DOP1B: variants seen among roughly 807,000 people sequenced by gnomAD.
DOP1B encodes protein DOP1B.
In DOP1B, 174 loss-of-function variants were observed where a neutral mutation model predicts 233.5. The ratio of observed to expected loss-of-function variants is 0.75; its 90% confidence interval spans 0.66 to 0.85. DOP1B has a LOEUF of 0.85. Among genes scored for constraint, DOP1B ranks in the 40% least tolerant of loss-of-function variants. The probability of loss-of-function intolerance (pLI) is 0.00; values close to 1 mark genes in which losing one functional copy is unlikely to be tolerated. For synonymous variants in DOP1B, 1,190 were observed against 1,185.6 expected, an observed-to-expected ratio of 1.00 and a Z score of -0.08; for missense variants, 2,652 against 2,846.6, an observed-to-expected ratio of 0.93 and a Z score of 1.56.
chr21:36,171,476 G>A (rs984002398), intron 2 of DOP1B, among the ~76,000 whole-genome samples: 146 of 152,276 alleles, frequency 9.6e-4, no homozygotes, highest in African/African-American at 3.4e-3. Context: ...TCGAGCTAGA[G>A]GAGGTCATTA....
chr21:36,245,295 C>T lies in DOP1B; in HGVS notation c.3315C>T (p.Asp1105=), dbSNP rs1238286354. ...LPDRTAHGAP[D]SSEHTESADT... ...ACAGGACGGCCCACGGCGCCCCGGACAGCAGCGAGCACACCGAGTCTGCAG... is the reference window on the plus strand; with the variant it reads ...ACAGGACGGCCCACGGCGCCCCGGATAGCAGCGAGCACACCGAGTCTGCAG... Residue 1105 remains aspartate (D), a synonymous_variant, in exon 19 of 37, where the codon GAC becomes GAT. Transcript: ENST00000691173. The surrounding 1 kb of genome is among the most constrained non-coding windows in gnomAD (Gnocchi z 5.5). The T allele has an allele frequency of 1.2e-6, 2 of 1,613,990 alleles. No individual in the cohort carries two copies. The highest frequency in any genetic ancestry group is 8.5e-7 in the Non-Finnish European group (1 of 1,180,050).
intron 15 of DOP1B, among the ~76,000 whole-genome samples, chr21:36,236,779 T>TC (rs1364940661): frequency 7.0e-6 from 1 of 143,176 alleles, no homozygotes; most frequent in East Asian, 2.0e-4. Context: ...TTCTTTTTCT[T>TC]TTTTTTTTTT....
chr21:36,275,996 G>A (rs533390691), intron 27 of DOP1B, among the ~76,000 whole-genome samples: 2 of 152,218 alleles, frequency 1.3e-5, no homozygotes, highest in Middle Eastern at 3.4e-3. Context: ...GGTCAGAGGA[G>A]GATGCTGGAA....
chr21:36,205,535 C>T lies in DOP1B; in HGVS notation c.492-3180C>T, dbSNP rs528344342. Among the ~76,000 whole-genome samples, 9 of 152,002 alleles carry T rather than the reference C, an allele frequency of 5.9e-5. No homozygotes were observed. In the South Asian group the frequency reaches 8.3e-4, roughly 14 times the overall value. On this transcript the variant is annotated intron_variant, in intron 4 of 36. Transcript: ENST00000691173. ...TCACGAGAAGCTGGGATTACAGGTG[C>T]GAACCACCATGCCCAGCTAATTTTG...
Position 36,265,918 on chromosome 21 carries a change from A to G in DOP1B, c.5487+2104A>G, listed in dbSNP as rs73381532. Among the ~76,000 whole-genome samples the G allele has an allele frequency of 6.3e-3, 957 of 152,236 alleles. 7 individuals are homozygous for G. The highest frequency in any genetic ancestry group is 0.022 in the African/African-American group (898 of 41,520). On this transcript the variant is annotated intron_variant, in intron 26 of 36. Transcript: ENST00000691173. ...CCAAGCTAGTAGTTCTGCAGTGGAC[A>G]CTAGATAGGCACCGTCCAATTCCAT...
chr21:36,157,530 C>G (rs1185706139), intron 1 of DOP1B, among the ~76,000 whole-genome samples: 3 of 152,356 alleles, frequency 2.0e-5, no homozygotes, highest in South Asian at 4.1e-4. Flanking sequence ...GACTGTTACC[C>G]GCAGTGTTGC....
intron 1 of DOP1B, among the ~76,000 whole-genome samples, chr21:36,160,330 C>G (rs2065858057): frequency 6.6e-6 from 1 of 151,936 alleles, no homozygotes; most frequent in Admixed American, 6.6e-5. Context: ...GGTGGGTGTG[C>G]AAGGTGCAGT....
chr21:36,230,397 T>C, intron 13 of DOP1B, 53 bp from the exon 14 acceptor site: 1 of 1,535,168 alleles, frequency 6.5e-7, no homozygotes, highest in Non-Finnish European at 8.8e-7. Flanking sequence ...AACTGATACT[T>C]AAATAGCTTG....
intron 2 of DOP1B, among the ~76,000 whole-genome samples, chr21:36,174,842 C>A (rs1391137878): frequency 2.6e-5 from 4 of 152,134 alleles, no homozygotes; most frequent in Non-Finnish European, 4.4e-5. Flanking sequence ...ACTCCTCTTC[C>A]CTGTTGACTA....
chr21:36,245,960 A>G lies in DOP1B; in HGVS notation c.3980A>G (p.Tyr1327Cys). 3.1e-6 allele frequency: 5 copies of G among 1,611,930 alleles called. No homozygotes were observed. The highest frequency in any genetic ancestry group is 4.2e-6 in the Non-Finnish European group (5 of 1,179,404). ...YLCLSFLRSYYPCYLKVSHRD... is the reference protein window; with the variant it reads ...YLCLSFLRSYCPCYLKVSHRD... ...TGCCTGAGCTTCCTGCGCTCCTACT[A>G]CCCTTGCTATTTGAAGGTCTCGCAC... Residue 1327 changes from tyrosine to cysteine, a missense_variant, in exon 19 of 37, where the codon TAC becomes TGC. Physicochemically the swap from Tyr to Cys is radical, Grantham distance 194. Transcript: ENST00000691173. This position sits in a 1 kb window ranked among gnomAD's most constrained non-coding sequence, Gnocchi z 5.5.
rs776747852 is a variant in DOP1B, at chr21:36,279,332, C to T, written c.5970-953C>T. 1.6e-4 allele frequency among the ~76,000 whole-genome samples: 24 copies of T among 151,832 alleles called. 1 individual carries two copies. Among genetic ancestry groups the T allele is most frequent in the African/African-American group, 4.8e-4 (20 of 41,334 alleles). On this transcript the variant is annotated intron_variant, in intron 30 of 36. Coordinates refer to ENST00000691173, the MANE Select transcript of DOP1B (RefSeq NM_001320714.2). ...ACATGGAAGCCTGAGGCAGGAGGAT[C>T]GCTTGAGCCCAGGAGGTTGAGGCTG...
intron 15 of DOP1B, among the ~76,000 whole-genome samples, chr21:36,235,869 G>C (rs1034094239): frequency 1.4e-5 from 2 of 147,716 alleles, no homozygotes; most frequent in African/African-American, 2.5e-5. Flanking sequence ...AAGTCGGGGG[G>C]GGGGCGGTCT....
intron 5 of DOP1B, among the ~76,000 whole-genome samples, chr21:36,209,734 C>T (rs2066471309): frequency 6.6e-6 from 1 of 152,188 alleles, no homozygotes; most frequent in Admixed American, 6.5e-5. Context: ...TTCTCGTGCC[C>T]TTAGAAATGG....
At chr21:36,235,864 G>GGA (rs1555893476) in intron 15 of DOP1B, among the ~76,000 whole-genome samples, 1 of 75,012 alleles carries the variant, frequency 1.3e-5, no homozygotes, top group East Asian at 4.0e-4. Context: ...CAAGGAAGTC[G>GGA]GGGGGGGGGC....
chr21:36,199,341 T>C, intron 3 of DOP1B, 90 bp downstream of exon 3: 1 of 1,494,690 alleles, frequency 6.7e-7, no homozygotes, highest in Non-Finnish European at 9.0e-7. Context: ...ACAGGCAAAA[T>C]AAGCGTAGGG....
intron 1 of DOP1B, among the ~76,000 whole-genome samples, chr21:36,161,959 C>T (rs2065873322): frequency 6.6e-6 from 1 of 152,200 alleles, no homozygotes; most frequent in South Asian, 2.1e-4. Flanking sequence ...ATTGCCTCAG[C>T]GTTCCTTTGT....
intron 23 of DOP1B, among the ~76,000 whole-genome samples, chr21:36,257,368 T>C (rs553676824): frequency 6.6e-6 from 1 of 152,292 alleles, no homozygotes; most frequent in South Asian, 2.1e-4. Context: ...TAATACTTAA[T>C]ACAGTGACTG....
intron 2 of DOP1B, among the ~76,000 whole-genome samples, chr21:36,177,065 G>A (rs564798669): frequency 5.3e-5 from 8 of 152,032 alleles, no homozygotes; most frequent in Non-Finnish European, 8.8e-5. Context: ...CGCCTGCCTC[G>A]ACCTCCCAAA....
intron 27 of DOP1B, among the ~76,000 whole-genome samples, chr21:36,272,761 G>A (rs1481840768): frequency 1.3e-5 from 2 of 151,816 alleles, no homozygotes; most frequent in African/African-American, 4.8e-5. Context: ...GAGGTGGGCG[G>A]ATCACCTGAG....
Sources: allele counts gnomAD v4.1 joint callset (sites outside exome capture counted in the v4.1 genomes callset), GRCh38; gene constraint gnomAD v4.1.1; non-coding constraint Gnocchi (gnomAD v3.1); transcripts MANE v1.5; gene names NCBI Gene and HGNC (gene_info 2026-07-23, HGNC 2026-07-21).